DDX10: variants seen among roughly 807,000 people sequenced by gnomAD.
DDX10 encodes probable ATP-dependent RNA helicase DDX10.
DDX10 carries 74 observed loss-of-function variants against 104.3 expected under a neutral mutation model. The ratio of observed to expected loss-of-function variants is 0.71; its 90% CI spans 0.59 to 0.86. The LOEUF is 0.86. Among genes scored for constraint, DDX10 ranks in the 40% least tolerant of loss-of-function variants. DDX10 has a pLI of 0.00. For missense variants in DDX10, 952 were observed against 1,040.0 expected (o/e 0.92, Z 1.16); for synonymous variants, 351 against 353.4 (o/e 0.99, Z 0.08).
intron 14 of DDX10, among the ~76,000 whole-genome samples, chr11:108,840,354 A>T (rs185205252): frequency 6.6e-6 from 1 of 152,330 alleles, no homozygotes; most frequent in East Asian, 1.9e-4. Flanking sequence ...TGGCAGGTTA[A>T]TTAGCAGTCT....
At chr11:108,777,564 C>T (rs1212458049) in intron 13 of DDX10, among the ~76,000 whole-genome samples, 1 of 152,112 alleles carries the variant, frequency 6.6e-6, no homozygotes, top group Non-Finnish European at 1.5e-5. Flanking sequence ...TTCAGGTGAT[C>T]CACCCACTTC....
chr11:108,877,852 A>G (rs1863173137), intron 16 of DDX10, among the ~76,000 whole-genome samples: 1 of 152,194 alleles, frequency 6.6e-6, no homozygotes, highest in South Asian at 2.1e-4. Context: ...GGCAGAGTTT[A>G]TCTCATCATT....
chr11:108,856,441 A>G (rs1862870728), intron 16 of DDX10, among the ~76,000 whole-genome samples: 3 of 152,058 alleles, frequency 2.0e-5, no homozygotes, highest in South Asian at 2.1e-4. Flanking sequence ...AAACAAAACA[A>G]ACAAACAAAA....
At chr11:108,891,631 C>T (rs941598803) in intron 16 of DDX10, among the ~76,000 whole-genome samples, 2 of 152,140 alleles carry the variant, frequency 1.3e-5, no homozygotes, top group African/African-American at 2.4e-5. Flanking sequence ...AATCAGTCCC[C>T]ACCATAATGC....
At chr11:108,678,540 A>G in intron 5 of DDX10, 105 bp downstream of exon 5, 1 of 1,210,258 alleles carries the variant, frequency 8.3e-7, no homozygotes, top group African/African-American at 1.5e-5. Context: ...AAATGTTATG[A>G]TTCAAAACAA....
At chr11:108,901,646 T>C (rs1264539098) in intron 16 of DDX10, among the ~76,000 whole-genome samples, 1 of 152,184 alleles carries the variant, frequency 6.6e-6, no homozygotes, top group Non-Finnish European at 1.5e-5. Flanking sequence ...CATGCTGTAG[T>C]CTTAAATATT....
intron 16 of DDX10, among the ~76,000 whole-genome samples, chr11:108,874,828 G>A (rs1367669145): frequency 6.6e-6 from 1 of 151,974 alleles, no homozygotes; most frequent in African/African-American, 2.4e-5. Context: ...CCAGAATAAC[G>A]GGGTTTGAAT....
chr11:108,904,770 GA>G (rs1168603009), intron 16 of DDX10, among the ~76,000 whole-genome samples: 19 of 151,690 alleles, frequency 1.3e-4, no homozygotes, highest in Non-Finnish European at 2.6e-4. Context: ...GCCAAAGATT[GA>G]AAATGTAGCC....
chr11:108,829,937 C>T (rs1392872053), intron 13 of DDX10, among the ~76,000 whole-genome samples: 1 of 152,106 alleles, frequency 6.6e-6, no homozygotes, highest in Admixed American at 6.5e-5. Flanking sequence ...ATTTTTATAC[C>T]AGTACCATGC....
At chr11:108,917,810 T>A in intron 16 of DDX10, 63 bp from the exon 17 acceptor site, 1 of 1,568,340 alleles carries the variant, frequency 6.4e-7, no homozygotes, top group Non-Finnish European at 8.7e-7. Flanking sequence ...GGTCTGCAAA[T>A]AAAACCTGAT....
chr11:108,862,658 G>A (rs1862956284), intron 16 of DDX10, among the ~76,000 whole-genome samples: 1 of 152,154 alleles, frequency 6.6e-6, no homozygotes, highest in Admixed American at 6.5e-5. Flanking sequence ...TGAAGAAATT[G>A]TATTTTTTAA....
rs577925479 is a variant in DDX10, at chr11:108,890,388, T to C, written c.2305-27485T>C. ...TCTTGGGAATAACAAATGGTGTCTGTGTAGTAGGATTTATCAGTGGTATGT... is the reference window on the plus strand; with the variant it reads ...TCTTGGGAATAACAAATGGTGTCTGCGTAGTAGGATTTATCAGTGGTATGT... On this transcript the variant is annotated intron_variant, in intron 16 of 17. Transcript: ENST00000322536. 5.9e-5 allele frequency among the ~76,000 whole-genome samples: 9 copies of C among 152,264 alleles called. No homozygotes were observed. The East Asian group carries it at 1.7e-3, about 29-fold the overall frequency.
chr11:108,872,552 A>G (rs1181222362), intron 16 of DDX10, among the ~76,000 whole-genome samples: 1 of 152,206 alleles, frequency 6.6e-6, no homozygotes, highest in Non-Finnish European at 1.5e-5. Flanking sequence ...AGGTTTAGAC[A>G]GCTTTGGTTT....
chr11:108,667,933 C>T (rs1443453399), intron 1 of DDX10, among the ~76,000 whole-genome samples: 2 of 152,162 alleles, frequency 1.3e-5, no homozygotes, highest in Non-Finnish European at 2.9e-5. Flanking sequence ...TCCTACTAGA[C>T]CATGAACATT....
intron 17 of DDX10, among the ~76,000 whole-genome samples, chr11:108,928,319 A>G (rs1387570606): frequency 6.6e-6 from 1 of 152,192 alleles, no homozygotes; most frequent in East Asian, 1.9e-4. Flanking sequence ...ATAGAAATTT[A>G]AACTATGCCT....
chr11:108,704,022 T>C lies in DDX10; in HGVS notation c.1224-2717T>C, dbSNP rs1454540785. 1.3e-5 allele frequency among the ~76,000 whole-genome samples: 2 copies of C among 152,190 alleles called. 1 individual carries two copies. Among genetic ancestry groups the C allele is most frequent in the Non-Finnish European group, 2.9e-5 (2 of 68,022 alleles). The stretch of plus-strand genomic sequence containing the variant: ...TGTTACTATTTGTCTTAACCTTGTG[T>C]AGCCTTCTATATATATTCTGTTAGC... On this transcript the variant is annotated intron_variant, in intron 9 of 17. Coordinates refer to ENST00000322536, the MANE Select transcript of DDX10 (RefSeq NM_004398.4).
chr11:108,861,096 C>T (rs186674677), intron 16 of DDX10: 37 of 150,850 alleles, frequency 2.5e-4, no homozygotes, highest in African/African-American at 8.0e-4. Context: ...CTAGGGAAGG[C>T]AAATTCACCC....
intron 13 of DDX10, among the ~76,000 whole-genome samples, chr11:108,769,338 G>A (rs2094360121): frequency 6.6e-6 from 1 of 151,740 alleles, no homozygotes; most frequent in Non-Finnish European, 1.5e-5. Flanking sequence ...CATCTCTGAT[G>A]TCTTTTTCTG....
intron 9 of DDX10, among the ~76,000 whole-genome samples, chr11:108,699,883 T>C (rs1038018791): frequency 2.6e-5 from 4 of 152,212 alleles, no homozygotes; most frequent in African/African-American, 9.6e-5. Flanking sequence ...AATTAGGGCA[T>C]GCTCTGGCCC....
Sources: allele counts gnomAD v4.1 joint callset (sites outside exome capture counted in the v4.1 genomes callset), GRCh38; gene constraint gnomAD v4.1.1; transcripts MANE v1.5; gene names NCBI Gene and HGNC (gene_info 2026-07-23, HGNC 2026-07-21).